TLN2: variants seen among roughly 807,000 people sequenced by gnomAD.
The protein encoded by TLN2 is talin-2.
A neutral mutation model predicts 294.7 loss-of-function variants in TLN2; 118 were observed. That is an observed-to-expected ratio of 0.40 (90% CI 0.34 to 0.47). The LOEUF is 0.47. Ranked by LOEUF, TLN2 falls within the 20% of genes least tolerant of loss-of-function variation. The pLI, the probability that TLN2 is intolerant of heterozygous loss-of-function variation, is 0.84. For missense variants in TLN2, 3,083 were observed against 3,282.2 expected, an observed-to-expected ratio of 0.94 and a Z score of 1.48; for synonymous variants, 1,431 against 1,304.5, an observed-to-expected ratio of 1.10 and a Z score of -2.09.
At chr15:62,420,555 C>T (rs1367805788) in intron 1 of TLN2, among the ~76,000 whole-genome samples, 2 of 152,092 alleles carry the variant, frequency 1.3e-5, no homozygotes, top group Admixed American at 6.6e-5. Context: ...CCACCATGCT[C>T]GGCTAATTCT....
At chr15:62,634,868 TTCTC>T (rs1451019194) in intron 3 of TLN2, among the ~76,000 whole-genome samples, 8 of 152,262 alleles carry the variant, frequency 5.3e-5, no homozygotes, top group African/African-American at 7.2e-5. Flanking sequence ...ATCCTTCTTC[TTCTC>T]TCTGTCATTT....
intron 3 of TLN2, among the ~76,000 whole-genome samples, chr15:62,620,837 C>CTTTTTTTTTTTTTTTTTTT (rs71129016): frequency 1.8e-4 from 12 of 66,386 alleles, no homozygotes; most frequent in Non-Finnish European, 2.3e-4. Flanking sequence ...CTTTCTTTTT[C>CTTTTTTTTTTTTTTTTTTT]TTTTTTTTTT....
chr15:62,550,847 C>G (rs930335097), intron 1 of TLN2, among the ~76,000 whole-genome samples: 8 of 152,116 alleles, frequency 5.3e-5, no homozygotes, highest in African/African-American at 1.9e-4. Context: ...CAATTTTTTC[C>G]TGGACCAGGG....
At chr15:62,565,012 T>C (rs2043284012) in intron 1 of TLN2, among the ~76,000 whole-genome samples, 1 of 151,212 alleles carries the variant, frequency 6.6e-6, no homozygotes, top group Non-Finnish European at 1.5e-5. Context: ...CCTGCATAAT[T>C]CCCCCAGAGG....
intron 32 of TLN2, among the ~76,000 whole-genome samples, chr15:62,742,280 G>C (rs1175803247): frequency 6.6e-6 from 1 of 151,986 alleles, no homozygotes; most frequent in East Asian, 1.9e-4. Flanking sequence ...TGGGGTTGGG[G>C]GTGATGTCTG....
At chr15:62,465,104 G>GTTTTTT (rs57890839) in intron 1 of TLN2, among the ~76,000 whole-genome samples, 3 of 85,526 alleles carry the variant, frequency 3.5e-5, no homozygotes, top group East Asian at 8.2e-4. Context: ...TGGTGAGCGC[G>GTTTTTT]TTTTTTTTTT....
At chr15:62,507,156 T>C (rs2039664952) in intron 1 of TLN2, among the ~76,000 whole-genome samples, 1 of 152,250 alleles carries the variant, frequency 6.6e-6, no homozygotes, top group Non-Finnish European at 1.5e-5. Context: ...GATGAGTTTC[T>C]AAGATAAATG....
intron 32 of TLN2, among the ~76,000 whole-genome samples, chr15:62,743,616 A>T (rs917317870): frequency 2.0e-5 from 3 of 151,476 alleles, no homozygotes; most frequent in African/African-American, 7.3e-5. Flanking sequence ...GGAGCTGGAG[A>T]CCCTTTGTCA....
chr15:62,392,137 C>T (rs1036544066), intron 1 of TLN2, among the ~76,000 whole-genome samples: 1 of 152,240 alleles, frequency 6.6e-6, no homozygotes. Flanking sequence ...GTTCTGCTCT[C>T]GCAGCTCGTA....
At chr15:62,802,803 T>A (rs1242058011) in intron 50 of TLN2, among the ~76,000 whole-genome samples, 1 of 152,260 alleles carries the variant, frequency 6.6e-6, no homozygotes, top group Non-Finnish European at 1.5e-5. Context: ...ATTGTAGTTT[T>A]GATTTGCATT....
chr15:62,806,306 C>G (rs1448234231), intron 51 of TLN2, among the ~76,000 whole-genome samples: 1 of 152,182 alleles, frequency 6.6e-6, no homozygotes, highest in Non-Finnish European at 1.5e-5. Context: ...TGGCCCTAAT[C>G]CTCCCCCTTC....
intron 1 of TLN2, among the ~76,000 whole-genome samples, chr15:62,396,536 A>T (rs1202318158): frequency 6.6e-6 from 1 of 152,114 alleles, no homozygotes; most frequent in Non-Finnish European, 1.5e-5. Context: ...CTTTTAGTAG[A>T]TTATACCTTC....
At chr15:62,583,995 C>T (rs541637940) in intron 1 of TLN2, among the ~76,000 whole-genome samples, 1 of 152,298 alleles carries the variant, frequency 6.6e-6, no homozygotes, top group Non-Finnish European at 1.5e-5. Flanking sequence ...ATATTTTACA[C>T]TACTTTGCAT....
intron 57 of TLN2, among the ~76,000 whole-genome samples, chr15:62,837,443 A>G (rs1250911344): frequency 6.6e-6 from 1 of 152,188 alleles, no homozygotes; most frequent in African/African-American, 2.4e-5. Context: ...TAAAATGGGG[A>G]TAGAGCCATC....
intron 1 of TLN2, among the ~76,000 whole-genome samples, chr15:62,582,195 TACACACACACACACACACAC>T (rs67748452): frequency 7.1e-4 from 47 of 66,498 alleles, no homozygotes; most frequent in Non-Finnish European, 1.1e-3. Context: ...TGTGTATGCA[TACACACACACACACACACAC>T]ACACACACAC....
At chr15:62,769,029 G>A (rs554374842) in intron 41 of TLN2, among the ~76,000 whole-genome samples, 2 of 152,312 alleles carry the variant, frequency 1.3e-5, no homozygotes, top group South Asian at 4.2e-4. Context: ...AGTCCTTCAT[G>A]GCCCAGCCAT....
intron 4 of TLN2, among the ~76,000 whole-genome samples, chr15:62,648,091 T>C (rs2052110992): frequency 6.6e-6 from 1 of 152,050 alleles, no homozygotes; most frequent in East Asian, 1.9e-4. Context: ...AATCAGTAAG[T>C]CTTTAGGTGA....
At chr15:62,488,020 G>T (rs1362050437) in intron 1 of TLN2, among the ~76,000 whole-genome samples, 28 of 151,986 alleles carry the variant, frequency 1.8e-4, no homozygotes, top group Non-Finnish European at 7.4e-5. Flanking sequence ...AGAGGCTGTA[G>T]TGAGCTGTGA....
intron 6 of TLN2, 97 bp downstream of exon 6, chr15:62,652,231 A>G: frequency 7.5e-7 from 1 of 1,328,116 alleles, no homozygotes; most frequent in Non-Finnish European, 9.9e-7. Context: ...GGCAACTTTG[A>G]ATGTGTCTTA....
Sources: gnomAD v4.1 joint callset for allele counts (sites outside exome capture counted in the v4.1 genomes callset) on GRCh38, gnomAD v4.1.1 for gene constraint, MANE v1.5 for transcripts, NCBI Gene and HGNC (gene_info 2026-07-23, HGNC 2026-07-21) for gene names.